The following ACTR3B variants were observed in gnomAD, a reference collection of about 807,000 sequenced individuals.
The protein encoded by ACTR3B is actin-related protein 3B.
Under a neutral mutation model 59.0 loss-of-function variants are expected in ACTR3B, and 8 were observed. That is an observed-to-expected ratio of 0.14 (90% CI 0.08 to 0.24). ACTR3B has a LOEUF of 0.24. Among genes scored for constraint, ACTR3B ranks in the 10% least tolerant of loss-of-function variants. The pLI, the probability that ACTR3B is intolerant of heterozygous loss-of-function variation, is 1.00. For missense variants in ACTR3B, 245 were observed against 552.3 expected (o/e 0.44, Z 5.58); for synonymous variants, 148 against 197.9 (o/e 0.75, Z 2.12).
chr7:152,799,779 C>T (rs1409363364), intron 2 of ACTR3B, among the ~76,000 whole-genome samples: 1 of 152,140 alleles, frequency 6.6e-6, no homozygotes, highest in Non-Finnish European at 1.5e-5. Flanking sequence ...TGGGAGAGCT[C>T]AAGAGTGTGA....
chr7:152,852,531 C>G (rs1798899236), intron 10 of ACTR3B, among the ~76,000 whole-genome samples: 1 of 152,154 alleles, frequency 6.6e-6, no homozygotes, highest in African/African-American at 2.4e-5. Flanking sequence ...CGTAAGAGAT[C>G]AGGCATGGGG....
At chr7:152,845,483 G>T (rs568516691) in intron 9 of ACTR3B, among the ~76,000 whole-genome samples, 10 of 152,232 alleles carry the variant, frequency 6.6e-5, no homozygotes, top group Admixed American at 5.2e-4. Context: ...AGTGCTGACC[G>T]CAAGGAGCTC....
chr7:152,777,506 A>G (rs2098139000), intron 1 of ACTR3B, among the ~76,000 whole-genome samples: 1 of 152,006 alleles, frequency 6.6e-6, no homozygotes, highest in Non-Finnish European at 1.5e-5. Context: ...TCTGAGTGGG[A>G]TGTTTTCATC....
chr7:152,804,857 A>T (rs1249777180), intron 4 of ACTR3B, among the ~76,000 whole-genome samples: 13 of 152,166 alleles, frequency 8.5e-5, no homozygotes, highest in Admixed American at 8.5e-4. Context: ...CTTTGCTCCC[A>T]GTCCCAGTAT....
intron 10 of ACTR3B, among the ~76,000 whole-genome samples, chr7:152,852,636 G>A (rs564970701): frequency 2.2e-4 from 33 of 152,250 alleles, no homozygotes; most frequent in Admixed American, 8.5e-4. Flanking sequence ...AATAACTAAT[G>A]TTAGCAGGGA....
At chr7:152,789,316 C>A (rs930215548) in intron 2 of ACTR3B, among the ~76,000 whole-genome samples, 4 of 149,060 alleles carry the variant, frequency 2.7e-5, no homozygotes, top group Non-Finnish European at 5.9e-5. Context: ...TGCTTGAGCC[C>A]AGGAGATCGA....
At chr7:152,778,327 C>T (rs1474016144) in intron 1 of ACTR3B, among the ~76,000 whole-genome samples, 1 of 151,018 alleles carries the variant, frequency 6.6e-6, no homozygotes, top group African/African-American at 2.4e-5. Context: ...GCAGTGGCAC[C>T]AGGGCTCAAG....
intron 9 of ACTR3B, among the ~76,000 whole-genome samples, chr7:152,833,404 C>G (rs776344657): frequency 6.6e-6 from 1 of 152,122 alleles, no homozygotes; most frequent in Non-Finnish European, 1.5e-5. Context: ...GTAAAAAGCT[C>G]CAGTTCCTAA....
chr7:152,835,564 G>A (rs866506559), intron 9 of ACTR3B, among the ~76,000 whole-genome samples: 2 of 152,190 alleles, frequency 1.3e-5, no homozygotes, highest in Non-Finnish European at 2.9e-5. Context: ...GAGACACGAA[G>A]TGAGCGTGTG....
chr7:152,785,376 T>TGAGAGA (rs1232317531), intron 2 of ACTR3B, among the ~76,000 whole-genome samples: 5 of 5,326 alleles, frequency 9.4e-4, no homozygotes, highest in African/African-American at 6.0e-3. Flanking sequence ...GAGTTTGTTG[T>TGAGAGA]GAGGGGGGGG....
chr7:152,826,443 T>G (rs1313426029), intron 9 of ACTR3B, among the ~76,000 whole-genome samples: 1 of 152,038 alleles, frequency 6.6e-6, no homozygotes, highest in Non-Finnish European at 1.5e-5. Context: ...TTTTTCTGTT[T>G]AGATAACTTT....
rs570058914 is a variant in ACTR3B at position 152,800,569 on chromosome 7, G to T, written c.139G>T (p.Ala47Ser). 8.7e-6 allele frequency: 14 copies of T among 1,614,046 alleles called. No homozygotes were observed. In the South Asian group the frequency reaches 1.5e-4, roughly 18 times the overall value. ...IRESAKVVDQ[A>S]QRRVLRGVDD... Reference sequence around the variant, plus strand: ...AGAGTCAGCAAAGGTAGTTGACCAAGCTCAAAGGAGAGTGTTGAGGGGAGT... The same window carrying T: ...AGAGTCAGCAAAGGTAGTTGACCAATCTCAAAGGAGAGTGTTGAGGGGAGT... Residue 47 changes from alanine to serine, a missense_variant, in exon 3 of 12, where the codon GCT becomes TCT. Physicochemically the swap from Ala to Ser is moderately conservative, Grantham distance 99. Transcript: ENST00000256001.
At chr7:152,772,690 C>CTT (rs2098126999) in intron 1 of ACTR3B, among the ~76,000 whole-genome samples, 1 of 142,230 alleles carries the variant, frequency 7.0e-6, no homozygotes, top group Admixed American at 7.2e-5. Context: ...CAGATATAAC[C>CTT]CAGCCAACTG....
In ACTR3B at chr7:152,854,452, T is replaced by C. The variant is rs1799098970; in HGVS notation, c.1162-6T>C. 3 of 1,613,834 alleles carry C rather than the reference T, an allele frequency of 1.9e-6. No individual in the cohort carries two copies. The highest frequency in any genetic ancestry group is 2.5e-6 in the Non-Finnish European group (3 of 1,179,874). On this transcript the variant is annotated splice_region_variant and splice_polypyrimidine_tract_variant and intron_variant, in intron 11 of 11. Transcript: ENST00000256001. The surrounding 1 kb of genome is among the most constrained non-coding windows in gnomAD (Gnocchi z 4.9). Reference sequence around the variant, plus strand: ...TGTCTTTCTGTCTGCCTGTTGCCTCTCGTAGCCCGAGTTCTTTCAGGTCTG... The same window carrying C: ...TGTCTTTCTGTCTGCCTGTTGCCTCCCGTAGCCCGAGTTCTTTCAGGTCTG...
chr7:152,807,322 T>A (rs912709497), intron 4 of ACTR3B, among the ~76,000 whole-genome samples: 13 of 152,100 alleles, frequency 8.5e-5, no homozygotes, highest in Non-Finnish European at 1.2e-4. Context: ...TACCCATTTT[T>A]AAAATGATTT....
chr7:152,817,018 G>C (rs1418985673), intron 6 of ACTR3B, among the ~76,000 whole-genome samples: 2 of 142,588 alleles, frequency 1.4e-5, no homozygotes, highest in African/African-American at 5.0e-5. Flanking sequence ...ATTTGAAGGA[G>C]CACATCTGTG....
At chr7:152,820,851 G>T (rs1314141876) in intron 7 of ACTR3B, among the ~76,000 whole-genome samples, 1 of 152,238 alleles carries the variant, frequency 6.6e-6, no homozygotes, top group East Asian at 1.9e-4. Flanking sequence ...TCACACACAG[G>T]TGTGGCTGTG....
At chr7:152,801,505 T>C in intron 3 of ACTR3B, 116 bp from the exon 4 acceptor site, 2 of 1,337,346 alleles carry the variant, frequency 1.5e-6, no homozygotes, top group Non-Finnish European at 2.0e-6. Context: ...TAACAAAAAC[T>C]GCAATAAGAA....
chr7:152,763,928 G>T (rs1354519173), intron 1 of ACTR3B, among the ~76,000 whole-genome samples: 1 of 152,164 alleles, frequency 6.6e-6, no homozygotes, highest in Non-Finnish European at 1.5e-5. Flanking sequence ...ATTGTTGTCA[G>T]TGGGTTATCT....
Sources: allele counts gnomAD v4.1 joint callset (sites outside exome capture counted in the v4.1 genomes callset), GRCh38; gene constraint gnomAD v4.1.1; non-coding constraint Gnocchi (gnomAD v3.1); transcripts MANE v1.5; gene names NCBI Gene and HGNC (gene_info 2026-07-23, HGNC 2026-07-21).